The following ANKRD44 variants were observed in gnomAD, a reference collection of about 807,000 sequenced individuals.
ANKRD44 encodes the protein serine/threonine-protein phosphatase 6 regulatory ankyrin repeat subunit B.
Under a neutral mutation model 116.0 loss-of-function variants are expected in ANKRD44, and 35 were observed. The observed-to-expected ratio is 0.30, with a 90% CI of 0.23 to 0.40. ANKRD44 has a LOEUF of 0.40. Ranked by LOEUF, ANKRD44 falls within the 10% of genes least tolerant of loss-of-function variation. ANKRD44 has a pLI of 1.00. For missense variants in ANKRD44, 1,014 were observed against 1,242.6 expected, an observed-to-expected ratio of 0.82 and a Z score of 2.77; for synonymous variants, 435 against 461.8, an observed-to-expected ratio of 0.94 and a Z score of 0.74.
chr2:197,031,094 T>C (rs1035083961), intron 16 of ANKRD44, among the ~76,000 whole-genome samples: 1 of 152,044 alleles, frequency 6.6e-6, no homozygotes, highest in Admixed American at 6.6e-5. Flanking sequence ...CCTCTTTTTC[T>C]CCCTGTAAAT....
chr2:197,281,246 A>G (rs1209460818), intron 1 of ANKRD44, among the ~76,000 whole-genome samples: 1 of 152,198 alleles, frequency 6.6e-6, no homozygotes, highest in African/African-American at 2.4e-5. Context: ...TGTTGATAGG[A>G]GGCCTGATGC....
At chr2:196,998,163 A>C (rs1559404529) in intron 25 of ANKRD44, among the ~76,000 whole-genome samples, 174 bp downstream of exon 25, 2 of 152,186 alleles carry the variant, frequency 1.3e-5, no homozygotes, top group African/African-American at 4.8e-5. Context: ...ACACGAATGC[A>C]TTGTTGGGTC....
chr2:197,226,375 G>A (rs1318989419), intron 1 of ANKRD44, among the ~76,000 whole-genome samples: 1 of 152,164 alleles, frequency 6.6e-6, no homozygotes, highest in Non-Finnish European at 1.5e-5. Flanking sequence ...TATTTCTTAA[G>A]AGTTTCCCGA....
At chr2:197,194,465 C>T (rs1300354197) in intron 1 of ANKRD44, among the ~76,000 whole-genome samples, 1 of 152,074 alleles carries the variant, frequency 6.6e-6, no homozygotes, top group East Asian at 1.9e-4. Context: ...AAATGAATTC[C>T]CTGTTTGGAG....
intron 1 of ANKRD44, among the ~76,000 whole-genome samples, chr2:197,283,717 C>G (rs968983344): frequency 6.6e-6 from 1 of 151,984 alleles, no homozygotes; most frequent in African/African-American, 2.4e-5. Flanking sequence ...ATTGGAATCC[C>G]TTTTACCAAA....
At chr2:197,145,725 G>A (rs1454811308) in intron 3 of ANKRD44, among the ~76,000 whole-genome samples, 6 of 152,136 alleles carry the variant, frequency 3.9e-5, no homozygotes, top group Non-Finnish European at 5.9e-5. Flanking sequence ...ATGCATCACA[G>A]CACAATTCTT....
chr2:197,303,815 T>C (rs2083984113), intron 1 of ANKRD44, among the ~76,000 whole-genome samples: 1 of 152,168 alleles, frequency 6.6e-6, no homozygotes, highest in Non-Finnish European at 1.5e-5. Context: ...AGGAGGCAAG[T>C]GAAAAGATCC....
At position 196,993,625 on chromosome 2, in the gene ANKRD44, A is replaced by G; in HGVS notation, c.2881T>C (p.Leu961=). The G allele has an allele frequency of 1.3e-6, 2 of 1,551,060 alleles. No homozygotes were observed. The highest frequency in any genetic ancestry group is 1.7e-6 in the Non-Finnish European group (2 of 1,147,080). Residue 961 remains leucine, a synonymous_variant, in exon 27 of 28, where the codon TTG becomes CTG. Coordinates refer to ENST00000282272, the MANE Select transcript of ANKRD44 (RefSeq NM_001195144.2). ...AGTACACAGGCCCCTTTGGCCAGCA[A>G]CTCCTCAACTACCACCTTTAAGCCA... The part of the protein sequence containing the change: ...RNGLKVVVEE[L]LAKGACVLAV...
intron 14 of ANKRD44, among the ~76,000 whole-genome samples, chr2:197,082,576 T>C (rs2077823382): frequency 6.6e-6 from 1 of 152,206 alleles, no homozygotes; most frequent in African/African-American, 2.4e-5. Context: ...TGAATGTGCA[T>C]ATGGGGTCAT....
intron 1 of ANKRD44, among the ~76,000 whole-genome samples, chr2:197,251,789 G>A (rs1371818233): frequency 6.6e-6 from 1 of 152,152 alleles, no homozygotes; most frequent in Non-Finnish European, 1.5e-5. Flanking sequence ...ACACTTGGGC[G>A]GACCCAAATT....
intron 8 of ANKRD44, among the ~76,000 whole-genome samples, chr2:197,114,201 T>C (rs2078654973): frequency 6.6e-6 from 1 of 152,196 alleles, no homozygotes; most frequent in Admixed American, 6.5e-5. Context: ...AGATAAAACA[T>C]TCCTTGCGTT....
chr2:197,150,557 G>T (rs2079618579), intron 2 of ANKRD44, among the ~76,000 whole-genome samples: 1 of 151,324 alleles, frequency 6.6e-6, no homozygotes, highest in Non-Finnish European at 1.5e-5. Context: ...TCAAAAAAAA[G>T]AAAAAAAATG....
chr2:197,142,079 T>C (rs1175705851), intron 3 of ANKRD44, among the ~76,000 whole-genome samples: 1 of 152,252 alleles, frequency 6.6e-6, no homozygotes, highest in Non-Finnish European at 1.5e-5. Flanking sequence ...GGTATATTGA[T>C]TCTTCAGAAA....
chr2:197,170,203 A>AAAAAC lies in ANKRD44; in HGVS notation c.111+16819_111+16820insGTTTT, dbSNP rs1423530274. On this transcript the variant is annotated intron_variant, in intron 2 of 27. Coordinates refer to ENST00000282272, the MANE Select transcript of ANKRD44 (RefSeq NM_001195144.2). ...AGACCCTGTTTCCAAAAAAAAAAAAAAAAAAAAAAAACTGGGAGGCATTCA... is the reference window on the plus strand; with the variant it reads ...AGACCCTGTTTCCAAAAAAAAAAAAAAAAACAAAAAAAAAAACTGGGAGGCATTCA... Among the ~76,000 whole-genome samples the AAAAAC allele has an allele frequency of 5.2e-3, 784 of 151,726 alleles. 9 individuals are homozygous for AAAAAC. The highest frequency in any genetic ancestry group is 0.017 in the African/African-American group (715 of 41,186).
At chr2:197,264,843 C>A (rs1046069095) in intron 1 of ANKRD44, among the ~76,000 whole-genome samples, 6 of 152,182 alleles carry the variant, frequency 3.9e-5, no homozygotes, top group Non-Finnish European at 7.3e-5. Context: ...ATATCCCTGA[C>A]AAAATGGACA....
chr2:197,109,207 C>A (rs534962070), intron 9 of ANKRD44, among the ~76,000 whole-genome samples: 1 of 152,150 alleles, frequency 6.6e-6, no homozygotes, highest in Admixed American at 6.5e-5. Context: ...GGGGGGTGGA[C>A]ATTATTTCTG....
At chr2:197,242,218 C>T (rs143102748) in intron 1 of ANKRD44, among the ~76,000 whole-genome samples, 71 of 152,140 alleles carry the variant, frequency 4.7e-4, no homozygotes, top group African/African-American at 1.5e-3. Flanking sequence ...AAATTTAATA[C>T]CATTTACTAA....
intron 16 of ANKRD44, among the ~76,000 whole-genome samples, chr2:197,036,697 A>T (rs892790846): frequency 2.0e-5 from 3 of 152,206 alleles, no homozygotes; most frequent in Non-Finnish European, 2.9e-5. Flanking sequence ...TTGCCAATTA[A>T]AAGGCAGAAG....
chr2:197,168,967 A>G (rs2080164030), intron 2 of ANKRD44, among the ~76,000 whole-genome samples: 1 of 152,154 alleles, frequency 6.6e-6, no homozygotes, highest in African/African-American at 2.4e-5. Context: ...AATTCACACA[A>G]CACCCAGAGT....
Sources: gnomAD v4.1 joint callset for allele counts (sites outside exome capture counted in the v4.1 genomes callset) on GRCh38, gnomAD v4.1.1 for gene constraint, MANE v1.5 for transcripts, NCBI Gene and HGNC (gene_info 2026-07-23, HGNC 2026-07-21) for gene names.